Variants in IAPP observed in about 807,000 individuals in gnomAD.
IAPP encodes the protein islet amyloid polypeptide, also known as Islet amyloid polypeptide (diabetes-associated peptide; amylin).
IAPP carries 4 observed loss-of-function variants against 2.9 expected under a neutral mutation model. The ratio of observed to expected loss-of-function variants is 1.39; its 90% confidence interval spans 0.69 to 3.19. The LOEUF (loss-of-function observed/expected upper bound fraction) is 3.19. Ranked by LOEUF, IAPP falls within the 30% of genes most tolerant of loss-of-function variation. The pLI is 0.01. For missense variants in IAPP, 114 were observed against 105.3 expected (o/e 1.08, Z -0.36); for synonymous variants, 40 against 42.1 (o/e 0.95, Z 0.19).
chr12:21,355,251 G>A (rs1938274550), intron 1 of IAPP, among the ~76,000 whole-genome samples: 1 of 152,128 alleles, frequency 6.6e-6, no homozygotes, highest in Non-Finnish European at 1.5e-5. Flanking sequence ...ATATAGCTCA[G>A]AAGTCTTTAA....
chr12:21,369,671 C>A (rs754550115), upstream of IAPP, among the ~76,000 whole-genome samples: 3 of 152,142 alleles, frequency 2.0e-5, no homozygotes, highest in African/African-American at 7.2e-5. Flanking sequence ...AAGGAAAGAT[C>A]ATTTTTGAAA....
intron 1 of IAPP, among the ~76,000 whole-genome samples, chr12:21,367,670 A>G (rs1203045950): frequency 6.6e-6 from 1 of 152,108 alleles, no homozygotes. Flanking sequence ...ACTCAGTTCA[A>G]TAGTAATCAG....
At chr12:21,355,673 A>C (rs1298376123) in intron 1 of IAPP, among the ~76,000 whole-genome samples, 1 of 152,188 alleles carries the variant, frequency 6.6e-6, no homozygotes, top group Admixed American at 6.6e-5. Context: ...CAACATAAAC[A>C]CTTAGGATTC....
intron 1 of IAPP, among the ~76,000 whole-genome samples, chr12:21,362,043 A>G (rs1201979604): frequency 6.6e-6 from 1 of 152,122 alleles, no homozygotes; most frequent in Admixed American, 6.5e-5. Context: ...AAATACAGAG[A>G]ATGCCACAAA....
intron 2 of IAPP, 68 bp downstream of exon 2, chr12:21,373,499 T>C (rs1474125476): frequency 3.9e-6 from 4 of 1,034,810 alleles, no homozygotes; most frequent in Non-Finnish European, 6.1e-6. Context: ...AATTAAATAC[T>C]GTCAAATAAC....
At chr12:21,364,753 A>G (rs1939232529) in intron 1 of IAPP, among the ~76,000 whole-genome samples, 1 of 152,216 alleles carries the variant, frequency 6.6e-6, no homozygotes, top group Admixed American at 6.5e-5. Flanking sequence ...TACACCAATA[A>G]CAGACAAACG....
chr12:21,360,894 G>C (rs534250682), intron 1 of IAPP, among the ~76,000 whole-genome samples: 5 of 152,260 alleles, frequency 3.3e-5, no homozygotes, highest in African/African-American at 1.2e-4. Flanking sequence ...CTAGGAACTC[G>C]AACTCGGTGG....
intron 1 of IAPP, among the ~76,000 whole-genome samples, chr12:21,364,324 A>T (rs1939193582): frequency 6.6e-6 from 1 of 152,236 alleles, no homozygotes; most frequent in African/African-American, 2.4e-5. Context: ...AGATGAAGAA[A>T]AGGCCTTTGA....
chr12:21,362,013 G>A (rs1938939608), intron 1 of IAPP, among the ~76,000 whole-genome samples: 1 of 152,086 alleles, frequency 6.6e-6, no homozygotes, highest in South Asian at 2.1e-4. Context: ...TAGCGGGGAA[G>A]GCCAACATTC....
At chr12:21,362,542 C>A (rs918693652) in intron 1 of IAPP, among the ~76,000 whole-genome samples, 1 of 152,166 alleles carries the variant, frequency 6.6e-6, no homozygotes, top group African/African-American at 2.4e-5. Flanking sequence ...AAAATTCACA[C>A]ATAACAATAT....
intron 1 of IAPP, among the ~76,000 whole-genome samples, chr12:21,359,266 A>G (rs535103552): frequency 1.7e-4 from 26 of 152,320 alleles, no homozygotes; most frequent in Non-Finnish European, 3.1e-4. Context: ...ATTAAACTTG[A>G]TAGACTCTAG....
At chr12:21,360,763 C>T (rs112015063) in intron 1 of IAPP, among the ~76,000 whole-genome samples, 155 of 152,326 alleles carry the variant, frequency 1.0e-3, no homozygotes, top group African/African-American at 3.5e-3. Context: ...TTGGAGGCTC[C>T]CACACCCACG....
At chr12:21,358,061 C>A (rs1938515157) in intron 1 of IAPP, among the ~76,000 whole-genome samples, 1 of 152,046 alleles carries the variant, frequency 6.6e-6, no homozygotes, top group East Asian at 1.9e-4. Context: ...AAACTTTACT[C>A]ACATGTTTTG....
intron 1 of IAPP, among the ~76,000 whole-genome samples, chr12:21,364,372 A>C (rs1271619987): frequency 1.3e-5 from 2 of 152,198 alleles, no homozygotes; most frequent in African/African-American, 4.8e-5. Flanking sequence ...AACTCTCAAT[A>C]AACTAGGTAT....
At chr12:21,376,528 T>C (rs546851814) in intron 2 of IAPP, among the ~76,000 whole-genome samples, 1 of 152,104 alleles carries the variant, frequency 6.6e-6, no homozygotes, top group African/African-American at 2.4e-5. Context: ...AATAATTAGA[T>C]CCCAAAGTGG....
intron 1 of IAPP, 166 bp from the exon 2 acceptor site, chr12:21,373,171 A>C: frequency 4.9e-6 from 3 of 610,402 alleles, no homozygotes; most frequent in Non-Finnish European, 8.7e-6. Flanking sequence ...TCTCGAAATT[A>C]CTTGAAAAGT....
intron 1 of IAPP, among the ~76,000 whole-genome samples, chr12:21,364,694 C>A (rs1394380374): frequency 6.6e-6 from 1 of 152,176 alleles, no homozygotes; most frequent in African/African-American, 2.4e-5. Flanking sequence ...GCAACTTCAG[C>A]AAAATCTCAG....
intron 1 of IAPP, among the ~76,000 whole-genome samples, chr12:21,363,951 C>A (rs904588600): frequency 6.6e-6 from 1 of 152,120 alleles, no homozygotes; most frequent in Non-Finnish European, 1.5e-5. Flanking sequence ...GATTCACAGC[C>A]GAATTCTACC....
intron 1 of IAPP, among the ~76,000 whole-genome samples, chr12:21,357,990 T>TGGTG (rs1450437327): frequency 6.6e-6 from 1 of 152,288 alleles, no homozygotes; most frequent in East Asian, 1.9e-4. Context: ...ACTCAGACTT[T>TGGTG]GGTGGGTGGG....
Sources: allele counts gnomAD v4.1 joint callset (sites outside exome capture counted in the v4.1 genomes callset), GRCh38; gene constraint gnomAD v4.1.1; transcripts MANE v1.5; gene names NCBI Gene and HGNC (gene_info 2026-07-23, HGNC 2026-07-21).